Variants in SYNE2 observed in about 807,000 individuals in gnomAD.
SYNE2 encodes the protein spectrin repeat containing nuclear envelope protein 2.
Under a neutral mutation model 856.3 loss-of-function variants are expected in SYNE2, and 431 were observed. The ratio of observed to expected loss-of-function variants is 0.50; its 90% CI spans 0.47 to 0.55. The LOEUF (loss-of-function observed/expected upper bound fraction) is 0.55. Among genes scored for constraint, SYNE2 ranks in the 20% least tolerant of loss-of-function variants. SYNE2 has a pLI of 0.00. For synonymous variants in SYNE2, 2,923 were observed against 2,872.3 expected (o/e 1.02, Z -0.56); for missense variants, 8,129 against 8,023.2 (o/e 1.01, Z -0.50).
chr14:64,113,407 A>T lies in SYNE2; in HGVS notation c.12676A>T (p.Arg4226Trp). The T allele has an allele frequency of 6.2e-7, 1 of 1,614,174 alleles. No homozygotes were observed. Among genetic ancestry groups the T allele is most frequent in the Non-Finnish European group, 8.5e-7 (1 of 1,180,024 alleles). Residue 4226 changes from arginine (R) to tryptophan (W), a missense_variant, in exon 66 of 116, where the codon AGG (arginine) becomes TGG (tryptophan). This residue lies in a region of SYNE2 where 5,410 missense variants were observed against 5,284.8 expected (regional missense o/e 1.02). Coordinates refer to ENST00000555002, the MANE Select transcript of SYNE2 (RefSeq NM_182914.3). ...SSDAQGGLEP[R>W]VEKTRPEPTE... ...TGACGCGCAAGGAGGTTTGGAGCCC[A>T]GGGTGGAGAAAACTAGGCCGGAGCC...
chr14:64,005,004 A>C lies in SYNE2; in HGVS notation c.4397+1674A>C, dbSNP rs142919866. Among the ~76,000 whole-genome samples, 43 of 152,350 alleles carry C rather than the reference A, an allele frequency of 2.8e-4. 1 individual carries two copies. In the South Asian group the frequency reaches 4.8e-3, roughly 17 times the overall value. On this transcript the variant is annotated intron_variant, in intron 30 of 115. Coordinates refer to ENST00000555002, the MANE Select transcript of SYNE2 (RefSeq NM_182914.3). Reference sequence around the variant, plus strand: ...ATCAGATGAGAGGCAAGAGCAAGCCACTTGAACCTGGAGAAATAGCCTTCT... The same window carrying C: ...ATCAGATGAGAGGCAAGAGCAAGCCCCTTGAACCTGGAGAAATAGCCTTCT...
chr14:63,804,524 G>A (rs963410667), intron 1 of SYNE2, among the ~76,000 whole-genome samples: 2 of 150,240 alleles, frequency 1.3e-5, no homozygotes, highest in Non-Finnish European at 3.0e-5. Context: ...TTGAAGTTTC[G>A]CTCTTGTTGC....
Position 64,163,596 on chromosome 14 carries a change from T to C in SYNE2, c.16479+15T>C, listed in dbSNP as rs80199180. The C allele has an allele frequency of 4.3e-6, 7 of 1,613,698 alleles. No individual in the cohort carries two copies. Among genetic ancestry groups the C allele is most frequent in the Non-Finnish European group, 5.9e-6 (7 of 1,179,992 alleles). On this transcript the variant is annotated intron_variant, in intron 89 of 115. Transcript: ENST00000555002. ...ATGAATTTGAGGTTCATCTTTTCTT[T>C]CCATTCAAGTTTTAGTCTTAGACAT...
intron 94 of SYNE2, chr14:64,174,007 GC>G: frequency 1.6e-6 from 1 of 642,178 alleles, no homozygotes; most frequent in Non-Finnish European, 2.7e-6. Context: ...CAGTCACGGA[GC>G]TGTAACACCG....
At chr14:63,831,048 C>T (rs573198384) in intron 1 of SYNE2, among the ~76,000 whole-genome samples, 1 of 152,094 alleles carries the variant, frequency 6.6e-6, no homozygotes, top group South Asian at 2.1e-4. Flanking sequence ...ACCAGTTTAG[C>T]CAGGCTGGTC....
intron 67 of SYNE2, 137 bp from the exon 68 acceptor site, chr14:64,120,790 A>G (rs1262814130): frequency 7.8e-6 from 7 of 897,990 alleles, no homozygotes; most frequent in Non-Finnish European, 1.2e-5. Context: ...AAATTATAGT[A>G]TATAATTATA....
intron 18 of SYNE2, among the ~76,000 whole-genome samples, 191 bp downstream of exon 18, chr14:63,984,077 A>G (rs1449838113): frequency 6.6e-6 from 1 of 152,148 alleles, no homozygotes; most frequent in Non-Finnish European, 1.5e-5. Flanking sequence ...CCCTGTCTAT[A>G]CCAAAAATAC....
chr14:63,875,373 C>T (rs1014463730), intron 1 of SYNE2, among the ~76,000 whole-genome samples: 37 of 152,238 alleles, frequency 2.4e-4, no homozygotes, highest in African/African-American at 8.7e-4. Context: ...TCTTTATGAA[C>T]AGTTGTGAGT....
chr14:64,220,630 A>T lies in SYNE2; in HGVS notation c.20054A>T (p.Gln6685Leu), dbSNP rs778156427. The T allele has an allele frequency of 1.9e-6, 3 of 1,613,882 alleles. No individual in the cohort carries two copies. The Admixed American group carries it at 5.0e-5, about 27-fold the overall frequency. Residue 6685 changes from glutamine (Q) to leucine (L), a missense_variant, in exon 111 of 116, where the codon CAG becomes CTG. By Grantham distance (113) the Gln-to-Leu change is moderately radical. Around this residue, in one of 3 missense-constraint regions of SYNE2, gnomAD observed 5,410 missense variants for 5,284.8 expected, o/e 1.02. Transcript: ENST00000555002. ...WRGGLRQSLM[Q>L]CQDFHQLSQN... is the part of the protein sequence containing the mutation. ...GGGGGCTTACGACAGTCGCTCATGC[A>T]GTGCCAGGTACGCTGACTCAGCAGC... is the stretch of plus-strand genomic sequence containing the variant.
intron 1 of SYNE2, among the ~76,000 whole-genome samples, chr14:63,767,338 G>A (rs546634807): frequency 2.0e-5 from 3 of 152,076 alleles, no homozygotes; most frequent in Non-Finnish European, 2.9e-5. Context: ...TTGAACTCCT[G>A]ACCTCAAGTA....
At chr14:64,002,638 C>T (rs934909408) in intron 29 of SYNE2, 82 bp from the exon 30 acceptor site, 2 of 1,477,240 alleles carry the variant, frequency 1.4e-6, no homozygotes, top group Non-Finnish European at 1.8e-6. Context: ...CAAATCTAGT[C>T]ATGCAGTTTG....
At chr14:64,028,033 G>A (rs1298924446) in intron 43 of SYNE2, among the ~76,000 whole-genome samples, 1 of 151,750 alleles carries the variant, frequency 6.6e-6, no homozygotes, top group East Asian at 1.9e-4. Flanking sequence ...TCAGCCTCCC[G>A]GGTTGGGACT....
Position 64,111,570 on chromosome 14 carries a change from G to A in SYNE2, c.12610-1771G>A, listed in dbSNP as rs183878894. ...TCCCAGCACTTTGGGAGGTCTAGGC[G>A]GGTGGATCACTTGAGGCCAGGAGTT... On this transcript the variant is annotated intron_variant, in intron 65 of 115. Coordinates refer to ENST00000555002, the MANE Select transcript of SYNE2 (RefSeq NM_182914.3). Among the ~76,000 whole-genome samples, 409 of 152,170 alleles carry A rather than the reference G, an allele frequency of 2.7e-3. 3 individuals are homozygous for A. The highest frequency in any genetic ancestry group is 9.3e-3 in the African/African-American group (387 of 41,516).
intron 96 of SYNE2, among the ~76,000 whole-genome samples, chr14:64,180,981 G>A (rs543071438): frequency 2.0e-5 from 3 of 152,172 alleles, no homozygotes; most frequent in African/African-American, 4.8e-5. Flanking sequence ...TAACCATCTT[G>A]TTAAACTCTT....
intron 96 of SYNE2, among the ~76,000 whole-genome samples, chr14:64,183,137 G>C (rs1308238098): frequency 6.7e-6 from 1 of 150,202 alleles, no homozygotes; most frequent in Non-Finnish European, 1.5e-5. Context: ...CTGCCGGGCG[G>C]AGGGGCTCCT....
intron 1 of SYNE2, among the ~76,000 whole-genome samples, chr14:63,883,722 T>G (rs2094917996): frequency 6.6e-6 from 1 of 152,202 alleles, no homozygotes; most frequent in Non-Finnish European, 1.5e-5. Context: ...AAAATTACAT[T>G]GGATGATAAG....
intron 1 of SYNE2, among the ~76,000 whole-genome samples, chr14:63,872,649 T>C (rs1199526510): frequency 1.3e-5 from 2 of 150,558 alleles, no homozygotes; most frequent in African/African-American, 4.9e-5. Context: ...GTAATCCCGG[T>C]TACTTGGGAA....
intron 8 of SYNE2, among the ~76,000 whole-genome samples, chr14:63,957,318 G>C (rs1363632239): frequency 7.0e-6 from 1 of 142,096 alleles, no homozygotes; most frequent in Non-Finnish European, 1.5e-5. Flanking sequence ...TCCCAAGCTG[G>C]AGTGCAGTGG....
intron 83 of SYNE2, 118 bp downstream of exon 83, chr14:64,144,066 C>T: frequency 8.6e-7 from 1 of 1,165,940 alleles, no homozygotes. Context: ...ATCATCTCAA[C>T]TATAGCCCTT....
Sources: gnomAD v4.1 joint callset for allele counts (sites outside exome capture counted in the v4.1 genomes callset) on GRCh38, gnomAD v4.1.1 for gene constraint, gnomAD v4.1.1 regional missense constraint, MANE v1.5 for transcripts, NCBI Gene and HGNC (gene_info 2026-07-23, HGNC 2026-07-21) for gene names.